The following COX19 variants were observed in gnomAD, a reference collection of about 807,000 sequenced individuals.
COX19 encodes cytochrome c oxidase assembly factor COX19, also known as cytochrome c oxidase assembly protein COX19.
A neutral mutation model predicts 6.8 loss-of-function variants in COX19; 8 were observed. The observed-to-expected ratio is 1.18, with a 90% CI of 0.69 to 2.12. COX19 has a LOEUF of 2.12. Ranked by LOEUF, COX19 falls within the 30% of genes most tolerant of loss-of-function variation. COX19 has a pLI of 0.00. For missense variants in COX19, 131 were observed against 104.6 expected, an observed-to-expected ratio of 1.25 and a Z score of -1.10; for synonymous variants, 51 against 38.0, an observed-to-expected ratio of 1.34 and a Z score of -1.26.
At position 965,372 on chromosome 7, in the gene COX19, C is replaced by T. The variant is rs539690949; in HGVS notation, c.*4006G>A. ...GCTGCCAGTCACTTCGCAGAAGGCT[C>T]CTCGGTTTGGGTCTGTGTCTGTTGT... On this transcript the variant is annotated 3_prime_UTR_variant, in exon 3 of 3. Coordinates refer to ENST00000344111, the MANE Select transcript of COX19 (RefSeq NM_001031617.3). Among the ~76,000 whole-genome samples, 5 of 152,326 alleles carry T rather than the reference C, an allele frequency of 3.3e-5. No individual in the cohort carries two copies. The South Asian group carries it at 1.0e-3, about 32-fold the overall frequency.
rs1847618488 is a variant in COX19 at position 970,377 on chromosome 7, A to G, written c.195-921T>C. ...CTCGAACTCCTGACCTCATGTGATTACCCACCTTGGTCTCCAAAAGTGCTG... is the reference window on the plus strand; with the variant it reads ...CTCGAACTCCTGACCTCATGTGATTGCCCACCTTGGTCTCCAAAAGTGCTG... On this transcript the variant is annotated intron_variant, in intron 2 of 2. Coordinates refer to ENST00000344111, the MANE Select transcript of COX19 (RefSeq NM_001031617.3). Among the ~76,000 whole-genome samples the G allele has an allele frequency of 2.0e-5, 3 of 149,680 alleles. No individual in the cohort carries two copies. The South Asian group carries it at 6.4e-4, about 32-fold the overall frequency.
intron 2 of COX19, among the ~76,000 whole-genome samples, chr7:970,147 T>C (rs1000377491): frequency 2.5e-4 from 38 of 151,986 alleles, no homozygotes; most frequent in African/African-American, 8.2e-4. Context: ...ATTTCTTTTT[T>C]TCTCCCAGAA....
intron 2 of COX19, among the ~76,000 whole-genome samples, chr7:970,775 A>G (rs1847623724): frequency 6.6e-6 from 1 of 151,974 alleles, no homozygotes; most frequent in Non-Finnish European, 1.5e-5. Context: ...ATAGGGTTTC[A>G]CTATGTTGCC....
intron 2 of COX19, among the ~76,000 whole-genome samples, chr7:970,715 G>A (rs533365903): frequency 2.3e-4 from 35 of 152,138 alleles, no homozygotes; most frequent in Non-Finnish European, 4.1e-4. Context: ...AATTACGGGC[G>A]TGAGCCACTG....
intron 1 of COX19, chr7:975,028 A>G: frequency 1.2e-5 from 2 of 173,070 alleles, no homozygotes. Context: ...AAGCACTGGG[A>G]GATCAGCAGC....
intron 2 of COX19, among the ~76,000 whole-genome samples, chr7:969,701 T>C (rs10264122): frequency 0.67 from 101,567 of 151,908 alleles, 35,346 homozygotes; most frequent in African/African-American, 0.87. Context: ...TCTTGGGATG[T>C]CCAAGAGGGG....
intron 2 of COX19, among the ~76,000 whole-genome samples, chr7:970,788 G>A (rs1391000640): frequency 1.3e-5 from 2 of 152,044 alleles, no homozygotes; most frequent in African/African-American, 4.8e-5. Flanking sequence ...ATGTTGCCCA[G>A]GCTGGTCTTG....
In COX19 at chr7:973,183, C is replaced by T; in HGVS notation, c.192G>A (p.Glu64=). 1 of 1,589,374 alleles carries T rather than the reference C, an allele frequency of 6.3e-7. No individual in the cohort carries two copies. The highest frequency in any genetic ancestry group is 1.1e-5 in the South Asian group (1 of 86,992). ...TCATAACGCTTAGCTGTACTCACCT[C>T]TCCATCCTGCATTCTAAATATTCTT... The part of the protein sequence containing the change: ...ESKEYLECRM[E]RKLMLQEPLE... Residue 64 remains glutamate, a splice_region_variant and synonymous_variant, in exon 2 of 3, where the codon GAG becomes GAA. Transcript: ENST00000344111.
At chr7:973,447 T>C (rs1436927976) in intron 1 of COX19, among the ~76,000 whole-genome samples, 155 bp from the exon 2 acceptor site, 1 of 152,190 alleles carries the variant, frequency 6.6e-6, no homozygotes, top group East Asian at 1.9e-4. Context: ...TCTGAGAGGA[T>C]CACCTGACCC....
Position 966,860 on chromosome 7 carries a change from G to C in COX19, c.*2518C>G, listed in dbSNP as rs1051306182. The C allele has an allele frequency of 1.3e-5, 2 of 151,982 alleles. No homozygotes were observed. The highest frequency in any genetic ancestry group is 4.8e-5 in the African/African-American group (2 of 41,340). The allele number at this position is 151,982 out of a possible 1,614,324, so 9.4% of individuals were successfully genotyped here. A position where few individuals can be genotyped will look rare whatever the true frequency, so the allele number is the denominator to read the frequency against. The stretch of plus-strand genomic sequence containing the variant: ...CAACCCTCCCTCCGTCCAGCGTTTC[G>C]GGCCATCCACGCCACCCTGCCTGCC... On this transcript the variant is annotated 3_prime_UTR_variant, in exon 3 of 3. Transcript: ENST00000344111.
intron 2 of COX19, chr7:972,877 T>C (rs1363720070): frequency 3.7e-5 from 7 of 187,480 alleles, no homozygotes; most frequent in African/African-American, 4.7e-5. Context: ...GTCAGCATTA[T>C]GATGCACGAT....
rs1847564162 is a variant in COX19, at chr7:967,025, G to A, written c.*2353C>T. ...CTGGCGACTCAGACACACCAGAGAA[G>A]CTGCCAAGCGCTTCCTTTAAGGGAA... On this transcript the variant is annotated 3_prime_UTR_variant, in exon 3 of 3. Transcript: ENST00000344111. 6.6e-6 allele frequency: 1 copy of A among 152,198 alleles called. No homozygotes were observed. The highest frequency in any genetic ancestry group is 1.5e-5 in the Non-Finnish European group (1 of 68,036). 9.4% of individuals were successfully genotyped at this position (152,198 alleles called of 1,614,324 possible).
chr7:975,505 G>T lies in COX19; in HGVS notation c.5C>A (p.Ser2Ter), dbSNP rs370650176. ...CTTGGTCCCGAAATTCATGGCGGTC[G>T]ACATGTTGGCGACTCCGGAGTCTGC... The part of the protein sequence containing the change: M[S>*]TAMNFGTKSF... The change falls in exon 1 of 3, where the codon TCG becomes TAG. Residue 2 changes from serine to a stop codon, truncating the protein, a stop_gained. Coordinates refer to ENST00000344111, the MANE Select transcript of COX19 (RefSeq NM_001031617.3). LOFTEE classifies it high-confidence loss of function. 4 of 1,602,728 alleles carry T rather than the reference G, an allele frequency of 2.5e-6. No homozygotes were observed. The African/African-American group carries it at 4.1e-5, about 16-fold the overall frequency.
At chr7:971,728 G>A (rs540171376) in intron 2 of COX19, among the ~76,000 whole-genome samples, 5 of 152,200 alleles carry the variant, frequency 3.3e-5, no homozygotes, top group East Asian at 3.9e-4. Context: ...AAAATTAGCC[G>A]GGCAAGGTGG....
In COX19 at chr7:965,303, A is replaced by T. The variant is rs1221448676; in HGVS notation, c.*4075T>A. Reference sequence around the variant, plus strand: ...AAGTTCCAAAAATAGGACAGTGTGTATACCCAGTTCCCCAAATAACATCTT... The same window carrying T: ...AAGTTCCAAAAATAGGACAGTGTGTTTACCCAGTTCCCCAAATAACATCTT... On this transcript the variant is annotated 3_prime_UTR_variant, in exon 3 of 3. Coordinates refer to ENST00000344111, the MANE Select transcript of COX19 (RefSeq NM_001031617.3). 6.6e-6 allele frequency among the ~76,000 whole-genome samples: 1 copy of T among 152,242 alleles called. No homozygotes were observed. The highest frequency in any genetic ancestry group is 1.5e-5 in the Non-Finnish European group (1 of 68,046).
intron 2 of COX19, among the ~76,000 whole-genome samples, chr7:969,956 ATTTTTTTTTTTT>A (rs58481554): frequency 2.6e-5 from 3 of 117,558 alleles, no homozygotes; most frequent in Non-Finnish European, 3.4e-5. Context: ...GTTATCTGAT[ATTTTTTTTTTTT>A]TTTTTTTTTT....
rs139271203 is a variant in COX19, at chr7:965,586, G to A, written c.*3792C>T. ...CTCGGAGGTCACTATGCATCTCAAGGGGAGGTTTCTCAAGACAGCAGACAC... is the reference window on the plus strand; with the variant it reads ...CTCGGAGGTCACTATGCATCTCAAGAGGAGGTTTCTCAAGACAGCAGACAC... On this transcript the variant is annotated 3_prime_UTR_variant, in exon 3 of 3. Transcript: ENST00000344111. Among the ~76,000 whole-genome samples the A allele has an allele frequency of 9.3e-4, 142 of 152,306 alleles. No individual in the cohort carries two copies. Among genetic ancestry groups the A allele is most frequent in the Non-Finnish European group, 1.5e-3 (100 of 68,024 alleles).
chr7:974,528 G>C (rs565732506), intron 1 of COX19, among the ~76,000 whole-genome samples: 1 of 152,338 alleles, frequency 6.6e-6, no homozygotes, highest in South Asian at 2.1e-4. Flanking sequence ...CCCAGTACGA[G>C]GTTAAGGTGC....
At position 967,400 on chromosome 7, in the gene COX19, T is replaced by A. The variant is rs561146902; in HGVS notation, c.*1978A>T. ...CACGATGTATTTCTAGTTTTTTCCATCTCAGAATACAGCTTCAGAATCGTC... is the reference window on the plus strand; with the variant it reads ...CACGATGTATTTCTAGTTTTTTCCAACTCAGAATACAGCTTCAGAATCGTC... On this transcript the variant is annotated 3_prime_UTR_variant, in exon 3 of 3. Transcript: ENST00000344111. 1 of 152,372 alleles carries A rather than the reference T, an allele frequency of 6.6e-6. No individual in the cohort carries two copies. Among genetic ancestry groups the A allele is most frequent in the East Asian group, 1.9e-4 (1 of 5,184 alleles). 9.4% of individuals were successfully genotyped at this position (152,372 alleles called of 1,614,324 possible). A position where few individuals can be genotyped will look rare whatever the true frequency, so the allele number is the denominator to read the frequency against.
Sources: gnomAD v4.1 joint callset for allele counts (sites outside exome capture counted in the v4.1 genomes callset) on GRCh38, gnomAD v4.1.1 for gene constraint, MANE v1.5 for transcripts, NCBI Gene and HGNC (gene_info 2026-07-23, HGNC 2026-07-21) for gene names.